Variants in SV2C observed in about 807,000 individuals in gnomAD.
The protein encoded by SV2C is solute carrier family 22 member B3.
A neutral mutation model predicts 79.7 loss-of-function variants in SV2C; 49 were observed. The observed-to-expected ratio is 0.61, with a 90% CI of 0.49 to 0.78. The LOEUF (loss-of-function observed/expected upper bound fraction) is 0.78, where lower values mean the gene tolerates loss of function less well. SV2C is among the 30% of genes least tolerant of loss of function. The probability of loss-of-function intolerance (pLI) is 0.00; values close to 1 mark genes in which losing one functional copy is unlikely to be tolerated. For synonymous variants in SV2C, 334 were observed against 333.2 expected (o/e 1.00, Z -0.03); for missense variants, 833 against 912.9 (o/e 0.91, Z 1.13).
At chr5:76,280,182 A>C (rs1747140352) in intron 4 of SV2C, among the ~76,000 whole-genome samples, 1 of 152,180 alleles carries the variant, frequency 6.6e-6, no homozygotes, top group African/African-American at 2.4e-5. Flanking sequence ...AAAGCATATT[A>C]CAAACAAATG....
the SV2C span, among the ~76,000 whole-genome samples, chr5:75,900,338 G>T: frequency 6.6e-6 from 1 of 152,176 alleles, no homozygotes; most frequent in South Asian, 2.1e-4. Flanking sequence ...AGTTTGGCTG[G>T]ATATGAAATT....
At chr5:75,858,484 G>A in the SV2C span, among the ~76,000 whole-genome samples, 7 of 152,128 alleles carry the variant, frequency 4.6e-5, no homozygotes, top group African/African-American at 1.2e-4. Flanking sequence ...CCTTTTTAAC[G>A]TGTTGTTGAA....
rs1321187439 is a variant in SV2C at position 76,285,228 on chromosome 5, C to CG, written c.980_981insG (p.Leu328ThrfsTer15). ...TGGCGTGTGTTTGTCATCGTCTGTG[C>CG]ACTCCCCTGTGTCTCCTCCGTGGTG... On this transcript the variant is annotated frameshift_variant, in exon 5 of 13. Transcript: ENST00000502798. LOFTEE classifies it high-confidence loss of function. 1 of 1,614,082 alleles carries CG rather than the reference C, an allele frequency of 6.2e-7. No individual in the cohort carries two copies. The highest frequency in any genetic ancestry group is 1.3e-5 in the African/African-American group (1 of 74,922).
At chr5:76,094,131 A>C (rs1473137127) in intron 1 of SV2C, among the ~76,000 whole-genome samples, 3 of 152,198 alleles carry the variant, frequency 2.0e-5, no homozygotes, top group Non-Finnish European at 4.4e-5. Context: ...TTGGAGTTTC[A>C]GCACTATAAG....
chr5:76,328,746 A>T lies in SV2C; in HGVS notation c.*3199A>T, dbSNP rs1447604229. On this transcript the variant is annotated 3_prime_UTR_variant, in exon 13 of 13. Coordinates refer to ENST00000502798, the MANE Select transcript of SV2C (RefSeq NM_014979.4). ...ACAGTAATGAAAATAGCTTCATCTTATCTGCCTTCTTATGCTAAACTCATT... is the reference window on the plus strand; with the variant it reads ...ACAGTAATGAAAATAGCTTCATCTTTTCTGCCTTCTTATGCTAAACTCATT... The T allele has an allele frequency of 6.6e-6, 1 of 151,836 alleles. No homozygotes were observed. Among genetic ancestry groups the T allele is most frequent in the African/African-American group, 2.4e-5 (1 of 41,254 alleles). 9.4% of individuals were successfully genotyped at this position (151,836 alleles called of 1,614,324 possible).
chr5:76,252,798 ACTC>A (rs1185087727), intron 4 of SV2C, among the ~76,000 whole-genome samples: 1 of 151,722 alleles, frequency 6.6e-6, no homozygotes, highest in African/African-American at 2.4e-5. Context: ...TAAAAGTAAA[ACTC>A]CTTCCATTTG....
chr5:76,309,357 T>G (rs2913263), intron 12 of SV2C, among the ~76,000 whole-genome samples: 14,582 of 151,752 alleles, frequency 0.096, 743 homozygotes, highest in Admixed American at 0.14. Context: ...TCCCAGCACT[T>G]TGGGAGGCCA....
the SV2C span, among the ~76,000 whole-genome samples, chr5:76,011,609 TTTTA>T: frequency 1.3e-5 from 2 of 152,132 alleles, no homozygotes; most frequent in African/African-American, 4.8e-5. Flanking sequence ...TGTTTTTGTT[TTTTA>T]TTTATGTTTT....
At chr5:76,231,465 T>G (rs569317256) in intron 4 of SV2C, among the ~76,000 whole-genome samples, 3 of 151,892 alleles carry the variant, frequency 2.0e-5, no homozygotes, top group Non-Finnish European at 4.4e-5. Context: ...ACTTTAAGTT[T>G]TAGGGTACAT....
At chr5:75,982,437 G>A in the SV2C span, among the ~76,000 whole-genome samples, 1 of 152,028 alleles carries the variant, frequency 6.6e-6, no homozygotes, top group Non-Finnish European at 1.5e-5. Context: ...CCACCAGAAT[G>A]GCTATTATTT....
intron 2 of SV2C, among the ~76,000 whole-genome samples, chr5:76,134,074 C>T (rs188745447): frequency 9.2e-5 from 14 of 152,256 alleles, no homozygotes; most frequent in African/African-American, 2.4e-4. Context: ...GTATGACATA[C>T]GGTTCTCTTA....
chr5:76,291,064 A>T (rs1424594535), intron 6 of SV2C, among the ~76,000 whole-genome samples, 157 bp from the exon 7 acceptor site: 1 of 152,098 alleles, frequency 6.6e-6, no homozygotes, highest in Non-Finnish European at 1.5e-5. Flanking sequence ...GGATCCATAT[A>T]CTTATGGCAG....
At chr5:76,030,283 T>TGTTTTG in the SV2C span, among the ~76,000 whole-genome samples, 32 of 121,448 alleles carry the variant, frequency 2.6e-4, 2 homozygotes, top group African/African-American at 1.1e-3. Flanking sequence ...TTTTTTTTTT[T>TGTTTTG]TTTTTTTTTA....
intron 2 of SV2C, among the ~76,000 whole-genome samples, chr5:76,153,374 T>A (rs1370183300): frequency 9.2e-5 from 14 of 152,228 alleles, no homozygotes; most frequent in Non-Finnish European, 1.5e-5. Context: ...GCTCTCCTAA[T>A]GTTCCTCCTG....
intron 1 of SV2C, among the ~76,000 whole-genome samples, chr5:76,106,431 C>T (rs950542260): frequency 1.3e-5 from 2 of 152,164 alleles, no homozygotes; most frequent in Non-Finnish European, 2.9e-5. Context: ...CAGATCATGT[C>T]CCTTCTCTGT....
the SV2C span, among the ~76,000 whole-genome samples, chr5:75,899,129 C>T: frequency 2.6e-5 from 4 of 152,084 alleles, no homozygotes; most frequent in African/African-American, 9.7e-5. Context: ...TGTGTTTGCT[C>T]TTGCTTTTCT....
chr5:75,896,657 T>C, the SV2C span, among the ~76,000 whole-genome samples: 2 of 151,740 alleles, frequency 1.3e-5, no homozygotes, highest in Non-Finnish European at 2.9e-5. Flanking sequence ...ACTTCCACAA[T>C]GGTTGAACTA....
At chr5:76,140,084 T>G (rs6863908) in intron 2 of SV2C, among the ~76,000 whole-genome samples, 62,151 of 152,236 alleles carry the variant, frequency 0.41, 14,791 homozygotes, top group Non-Finnish European at 0.54. Context: ...AAACTTTCCT[T>G]TCAACTGTAC....
the SV2C span, among the ~76,000 whole-genome samples, chr5:76,009,999 T>G: frequency 5.8e-5 from 8 of 138,722 alleles, no homozygotes; most frequent in South Asian, 2.5e-4. Flanking sequence ...TTGTTTTTTT[T>G]TTTTTTTTTT....
Sources: allele counts gnomAD v4.1 joint callset (sites outside exome capture counted in the v4.1 genomes callset), GRCh38; gene constraint gnomAD v4.1.1; transcripts MANE v1.5; gene names NCBI Gene and HGNC (gene_info 2026-07-23, HGNC 2026-07-21).